ARHGAP29: variants seen among roughly 807,000 people sequenced by gnomAD.
The protein encoded by ARHGAP29 is Rho GTPase activating protein 29.
A neutral mutation model predicts 122.6 loss-of-function variants in ARHGAP29; 43 were observed. That is an observed-to-expected ratio of 0.35 (90% CI 0.27 to 0.45). ARHGAP29 has a LOEUF of 0.45. ARHGAP29 is among the 20% of genes least tolerant of loss of function. The pLI is 1.00. For missense variants in ARHGAP29, 1,303 were observed against 1,477.2 expected, an observed-to-expected ratio of 0.88 and a Z score of 1.93; for synonymous variants, 506 against 497.1, an observed-to-expected ratio of 1.02 and a Z score of -0.24.
At chr1:94,225,516 CAA>C (rs1335345457) in intron 2 of ARHGAP29, among the ~76,000 whole-genome samples, 2 of 152,020 alleles carry the variant, frequency 1.3e-5, no homozygotes, top group African/African-American at 4.8e-5. Flanking sequence ...TGTTCAATAA[CAA>C]ATACATTTAT....
intron 19 of ARHGAP29, among the ~76,000 whole-genome samples, chr1:94,183,758 TTCAAG>T (rs1391423434): frequency 2.0e-5 from 3 of 152,202 alleles, no homozygotes; most frequent in African/African-American, 7.2e-5. Context: ...GATTTATGCT[TTCAAG>T]TCAATTTTCC....
At chr1:94,305,975 GAAC>G in the ARHGAP29 span, among the ~76,000 whole-genome samples, 2 of 152,188 alleles carry the variant, frequency 1.3e-5, no homozygotes, top group African/African-American at 2.4e-5. Flanking sequence ...GTCTACACTG[GAAC>G]AACAACTCAT....
chr1:94,236,155 C>A (rs1415697426), intron 1 of ARHGAP29, among the ~76,000 whole-genome samples: 2 of 152,146 alleles, frequency 1.3e-5, no homozygotes, highest in African/African-American at 4.8e-5. Context: ...GCACTCTCCA[C>A]AAAAACAGAA....
the ARHGAP29 span, among the ~76,000 whole-genome samples, chr1:94,311,959 C>T: frequency 6.6e-6 from 1 of 152,114 alleles, no homozygotes; most frequent in African/African-American, 2.4e-5. Context: ...ACCATCATCC[C>T]CTCTTCTGCA....
At chr1:94,272,006 G>A (rs776344994) in intron 1 of ARHGAP29, among the ~76,000 whole-genome samples, 1 of 152,152 alleles carries the variant, frequency 6.6e-6, no homozygotes, top group Non-Finnish European at 1.5e-5. Context: ...ATGGGGGCAG[G>A]GATGAGCCCA....
At chr1:94,293,346 A>G in the ARHGAP29 span, among the ~76,000 whole-genome samples, 1 of 152,180 alleles carries the variant, frequency 6.6e-6, no homozygotes, top group Non-Finnish European at 1.5e-5. Context: ...AAGCACAGTA[A>G]TTGGCCAGAA....
At chr1:94,309,805 A>G in the ARHGAP29 span, among the ~76,000 whole-genome samples, 7 of 152,158 alleles carry the variant, frequency 4.6e-5, no homozygotes, top group African/African-American at 1.4e-4. Flanking sequence ...ACTCCTATAG[A>G]TAAGTTCAGG....
At chr1:94,259,163 G>C (rs1756245) in intron 1 of ARHGAP29, among the ~76,000 whole-genome samples, 98,816 of 152,044 alleles carry the variant, frequency 0.65, 32,289 homozygotes, top group Middle Eastern at 0.79. Flanking sequence ...TAGTCATAAG[G>C]AGTGTTCTTT....
the ARHGAP29 span, among the ~76,000 whole-genome samples, chr1:94,296,880 A>G: frequency 6.6e-6 from 1 of 152,360 alleles, no homozygotes; most frequent in East Asian, 1.9e-4. Flanking sequence ...CTTAAATAGG[A>G]ACCATAACTT....
At chr1:94,180,164 A>T (rs1390753238) in intron 19 of ARHGAP29, among the ~76,000 whole-genome samples, 1 of 152,174 alleles carries the variant, frequency 6.6e-6, no homozygotes, top group Non-Finnish European at 1.5e-5. Context: ...ATCTGTATTA[A>T]AAACAACTTA....
At position 94,173,902 on chromosome 1, in the gene ARHGAP29, T is replaced by G. The variant is rs199687794; in HGVS notation, c.3753A>C (p.Glu1251Asp). Residue 1251 changes from glutamate to aspartate, a missense_variant, in exon 23 of 23, where the codon GAA (glutamate) becomes GAC (aspartate). Transcript: ENST00000260526. ...RPRLKRMQQFEDLEGEIPQFV is the reference protein window; with the variant it reads ...RPRLKRMQQFDDLEGEIPQFV ...ATTGTGGAATTTCACCTTCGAGGTCTTCAAACTGTTGCATTCGTTTTAGCC... is the reference window on the plus strand; with the variant it reads ...ATTGTGGAATTTCACCTTCGAGGTCGTCAAACTGTTGCATTCGTTTTAGCC... 2 of 1,609,818 alleles carry G rather than the reference T, an allele frequency of 1.2e-6. No homozygotes were observed. Among genetic ancestry groups the G allele is most frequent in the African/African-American group, 2.7e-5 (2 of 74,918 alleles).
At chr1:94,308,252 A>G in the ARHGAP29 span, among the ~76,000 whole-genome samples, 89 of 152,222 alleles carry the variant, frequency 5.8e-4, no homozygotes, top group African/African-American at 2.1e-3. Flanking sequence ...CTCCCCTTCC[A>G]CACAAAAGCC....
Position 94,169,383 on chromosome 1 carries a change from T to A in ARHGAP29, c.*4486A>T, listed in dbSNP as rs547212691. ...GCTATGACTGCGGATTTATTTGGCA[T>A]ATTTGGGACTGGGTGTGATGAGACA... On this transcript the variant is annotated 3_prime_UTR_variant, in exon 23 of 23. Transcript: ENST00000260526. Among the ~76,000 whole-genome samples, 3 of 152,052 alleles carry A rather than the reference T, an allele frequency of 2.0e-5. No homozygotes were observed. Among genetic ancestry groups the A allele is most frequent in the South Asian group, 2.1e-4 (1 of 4,824 alleles).
chr1:94,229,959 CTT>C, intron 2 of ARHGAP29, among the ~76,000 whole-genome samples: 1 of 151,558 alleles, frequency 6.6e-6, no homozygotes, highest in East Asian at 1.9e-4. Context: ...AAATAGAAAT[CTT>C]AACTAAAAAT....
intron 19 of ARHGAP29, among the ~76,000 whole-genome samples, chr1:94,182,615 G>T (rs1229967176): frequency 1.3e-5 from 2 of 151,712 alleles, no homozygotes; most frequent in South Asian, 4.2e-4. Context: ...GCTTCAAAGA[G>T]AACAAAAAAA....
At chr1:94,272,233 G>A (rs986438992) in intron 1 of ARHGAP29, among the ~76,000 whole-genome samples, 2 of 152,202 alleles carry the variant, frequency 1.3e-5, no homozygotes, top group South Asian at 4.1e-4. Context: ...GAAGGAGAGG[G>A]TGAGTGTCAC....
intron 12 of ARHGAP29, among the ~76,000 whole-genome samples, chr1:94,197,574 T>C (rs1390159930): frequency 1.3e-5 from 2 of 152,080 alleles, no homozygotes; most frequent in African/African-American, 2.4e-5. Flanking sequence ...TTTAGACATA[T>C]CAATCTTTCA....
At chr1:94,267,895 A>G (rs949919759) in intron 1 of ARHGAP29, among the ~76,000 whole-genome samples, 35 of 152,224 alleles carry the variant, frequency 2.3e-4, no homozygotes, top group Non-Finnish European at 7.3e-5. Flanking sequence ...GAACTATCCC[A>G]GTCTTCACTA....
At chr1:94,204,701 T>C (rs771588750) in intron 7 of ARHGAP29, among the ~76,000 whole-genome samples, 7 of 151,196 alleles carry the variant, frequency 4.6e-5, no homozygotes, top group Non-Finnish European at 8.8e-5. Flanking sequence ...ACTGAGGAAA[T>C]ATTAGCTATT....
Sources: allele counts gnomAD v4.1 joint callset (sites outside exome capture counted in the v4.1 genomes callset), GRCh38; gene constraint gnomAD v4.1.1; transcripts MANE v1.5; gene names NCBI Gene and HGNC (gene_info 2026-07-23, HGNC 2026-07-21).